Variants in MYOZ3 observed in about 807,000 individuals in gnomAD.
MYOZ3 encodes myozenin 3.
A neutral mutation model predicts 26.5 loss-of-function variants in MYOZ3; 19 were observed. The observed-to-expected ratio is 0.72, with a 90% CI of 0.50 to 1.05. The LOEUF (loss-of-function observed/expected upper bound fraction) is 1.05, where lower values mean the gene tolerates loss of function less well. Among genes scored for constraint, MYOZ3 ranks in the 50% least tolerant of loss-of-function variants. The pLI is 0.00. For synonymous variants in MYOZ3, 135 were observed against 138.8 expected (o/e 0.97, Z 0.19); for missense variants, 322 against 337.1 (o/e 0.96, Z 0.35).
chr5:150,675,226 T>TTGTGTGCGTGTGTGTG (rs765864243), intron 6 of MYOZ3, among the ~76,000 whole-genome samples: 3,902 of 151,444 alleles, frequency 0.026, 181 homozygotes, highest in African/African-American at 0.089. Context: ...GGAATGGCGT[T>TTGTGTGCGTGTGTGTG]TGTGTGTGTG....
chr5:150,671,427 C>G (rs1406561549), intron 3 of MYOZ3, 170 bp from the exon 4 acceptor site: 1 of 662,072 alleles, frequency 1.5e-6, no homozygotes, highest in Non-Finnish European at 2.6e-6. Context: ...GAGTATTTCT[C>G]GGTCCCAGGC....
chr5:150,676,281 C>T (rs1235236616), intron 6 of MYOZ3, among the ~76,000 whole-genome samples: 1 of 152,062 alleles, frequency 6.6e-6, no homozygotes, highest in Admixed American at 6.6e-5. Flanking sequence ...TGCGGTGGCT[C>T]ACGCCTGTAA....
intron 2 of MYOZ3, 84 bp downstream of exon 2, chr5:150,663,086 C>G: frequency 8.6e-7 from 1 of 1,162,504 alleles, no homozygotes; most frequent in Non-Finnish European, 1.2e-6. Flanking sequence ...CTGCTGGCCC[C>G]AGGCCTGGGC....
intron 2 of MYOZ3, chr5:150,669,065 T>C (rs1758856029): frequency 6.6e-6 from 1 of 152,162 alleles, no homozygotes; most frequent in African/African-American, 2.4e-5. Flanking sequence ...TTAGCAGAGT[T>C]TGGATATGGA....
chr5:150,666,159 A>G (rs1758806214), intron 2 of MYOZ3, among the ~76,000 whole-genome samples: 1 of 152,168 alleles, frequency 6.6e-6, no homozygotes, highest in South Asian at 2.1e-4. Context: ...TTAAGTAGGC[A>G]GTACACTTTC....
intron 6 of MYOZ3, chr5:150,672,744 G>C (rs2151448769): frequency 2.0e-6 from 1 of 497,150 alleles, no homozygotes; most frequent in Non-Finnish European, 3.5e-6. Flanking sequence ...GGACATGGTG[G>C]GCGGGTGCTA....
intron 6 of MYOZ3, among the ~76,000 whole-genome samples, chr5:150,674,785 G>A (rs1028395276): frequency 2.6e-5 from 4 of 152,156 alleles, no homozygotes; most frequent in South Asian, 2.1e-4. Flanking sequence ...CGAGGGAGGC[G>A]GATCACTTGA....
At chr5:150,672,630 A>G (rs533763233) in intron 6 of MYOZ3, 128 bp downstream of exon 6, 2 of 1,134,510 alleles carry the variant, frequency 1.8e-6, no homozygotes, top group South Asian at 3.3e-5. Context: ...CTTTCTATTC[A>G]TTGACTGAGC....
chr5:150,672,471 C>T lies in MYOZ3; in HGVS notation c.556C>T (p.Pro186Ser). 1 of 1,590,580 alleles carries T rather than the reference C, an allele frequency of 6.3e-7. No individual in the cohort carries two copies. The highest frequency in any genetic ancestry group is 1.3e-5 in the African/African-American group (1 of 74,380). ...CCAGAGCGATGGCCGAAGTCACACC[C>T]CCAGCCCCAACGACTACCGAAATTT... ...DYQSDGRSHT[P>S]SPNDYRNFNK... The change falls in exon 6 of 7, where the codon CCC becomes TCC. Residue 186 changes from proline (P) to serine (S), a missense_variant. Transcript: ENST00000517768.
chr5:150,672,106 C>G (rs891270687), intron 5 of MYOZ3, 198 bp downstream of exon 5: 81 of 1,070,336 alleles, frequency 7.6e-5, no homozygotes, highest in African/African-American at 1.1e-4. Context: ...CAGCCAAGGC[C>G]AAGACCAACC....
chr5:150,670,503 CA>C lies in MYOZ3; in HGVS notation c.83del (p.Lys28ArgfsTer3). The C allele has an allele frequency of 1.2e-6, 2 of 1,611,968 alleles. No homozygotes were observed. The highest frequency in any genetic ancestry group is 1.7e-6 in the Non-Finnish European group (2 of 1,179,032). ...TEPVPTLDLG[K>X]KLSVPQDLMM... ...TGGCAGTCCCTACGCTGGACCTGGGCAAGAAGCTGAGCGTGCCCCAGGACCT... is the reference window on the plus strand; with the variant it reads ...TGGCAGTCCCTACGCTGGACCTGGGCAGAAGCTGAGCGTGCCCCAGGACCT... On this transcript the variant is annotated frameshift_variant, in exon 3 of 7. Transcript: ENST00000517768. LOFTEE classifies it high-confidence loss of function.
At chr5:150,670,880 T>A in intron 3 of MYOZ3, 2 of 98,840 alleles carry the variant, frequency 2.0e-5, no homozygotes, top group Non-Finnish European at 1.5e-5. Context: ...GGACTCTGGC[T>A]CCTACCAAAA....
chr5:150,669,633 C>CTTT (rs532402882), intron 2 of MYOZ3, among the ~76,000 whole-genome samples: 605 of 47,712 alleles, frequency 0.013, 123 homozygotes, highest in Non-Finnish European at 0.015. Flanking sequence ...CCCATATATG[C>CTTT]TTTTTTTTTT....
rs576586887 is a variant in MYOZ3 at position 150,667,697 on chromosome 5, A to G, written c.62-2787A>G. Among the ~76,000 whole-genome samples the G allele has an allele frequency of 7.6e-4, 116 of 152,018 alleles. 1 individual carries two copies. The highest frequency in any genetic ancestry group is 2.6e-3 in the African/African-American group (108 of 41,444). On this transcript the variant is annotated intron_variant, in intron 2 of 6. Transcript: ENST00000517768. The stretch of plus-strand genomic sequence containing the variant: ...TGTAGCCAGGATCCTTTAAAGCCCA[A>G]CTCTTCCAAGCAGTTGTCTATATTG...
chr5:150,663,077 T>A, intron 2 of MYOZ3, 75 bp downstream of exon 2: 4 of 1,314,340 alleles, frequency 3.0e-6, no homozygotes, highest in Non-Finnish European at 4.3e-6. Flanking sequence ...CACTCTGGCC[T>A]GCTGGCCCCA....
At position 150,677,037 on chromosome 5, in the gene MYOZ3, G is replaced by A; in HGVS notation, c.*162G>A. 1.5e-6 allele frequency: 1 copy of A among 660,018 alleles called. No individual in the cohort carries two copies. Among genetic ancestry groups the A allele is most frequent in the Non-Finnish European group, 2.5e-6 (1 of 394,880 alleles). 40.9% of individuals were successfully genotyped at this position (660,018 alleles called of 1,614,324 possible). A position where few individuals can be genotyped will look rare whatever the true frequency, so the allele number is the denominator to read the frequency against. On this transcript the variant is annotated 3_prime_UTR_variant, in exon 7 of 7. Transcript: ENST00000517768. ...AGTTCAGTCGTCCCAAAACATGGGTGTGTTTCAAAATTACCTGGGGATGTT... is the reference window on the plus strand; with the variant it reads ...AGTTCAGTCGTCCCAAAACATGGGTATGTTTCAAAATTACCTGGGGATGTT...
chr5:150,667,603 A>G (rs1397248757), intron 2 of MYOZ3, among the ~76,000 whole-genome samples: 1 of 151,692 alleles, frequency 6.6e-6, no homozygotes, highest in African/African-American at 2.4e-5. Context: ...CCCGTCAGTT[A>G]ACGCACATGC....
chr5:150,670,718 C>G, intron 3 of MYOZ3, 80 bp downstream of exon 3: 1 of 1,390,642 alleles, frequency 7.2e-7, no homozygotes, highest in Non-Finnish European at 9.8e-7. Flanking sequence ...AAACGGTAAG[C>G]CAGGCTGAGG....
chr5:150,673,326 C>T (rs899246216), intron 6 of MYOZ3: 2 of 150,000 alleles, frequency 1.3e-5, no homozygotes, highest in African/African-American at 5.1e-5. Context: ...CAAACAATAG[C>T]TATTATTGTT....
Sources: allele counts gnomAD v4.1 joint callset (sites outside exome capture counted in the v4.1 genomes callset), GRCh38; gene constraint gnomAD v4.1.1; transcripts MANE v1.5; gene names NCBI Gene and HGNC (gene_info 2026-07-23, HGNC 2026-07-21).